The following PIK3C3 variants were observed in gnomAD, a reference collection of about 807,000 sequenced individuals.
PIK3C3 encodes phosphatidylinositol 3-kinase catalytic subunit type 3.
In PIK3C3, 95 loss-of-function variants were observed where a neutral mutation model predicts 126.1. That is an observed-to-expected ratio of 0.75 (90% CI 0.64 to 0.89). The LOEUF is 0.89. PIK3C3 is among the 40% of genes least tolerant of loss of function. PIK3C3 has a pLI of 0.00. For missense variants in PIK3C3, 829 were observed against 1,063.2 expected, an observed-to-expected ratio of 0.78 and a Z score of 3.06; for synonymous variants, 374 against 360.0, an observed-to-expected ratio of 1.04 and a Z score of -0.44.
At chr18:41,977,745 A>G (rs761953482) in intron 4 of PIK3C3, among the ~76,000 whole-genome samples, 131 of 152,282 alleles carry the variant, frequency 8.6e-4, no homozygotes, top group Non-Finnish European at 5.1e-4. Flanking sequence ...TCGGCCTCCC[A>G]AAGCATTGGA....
chr18:41,969,596 G>C (rs999705562), intron 3 of PIK3C3, among the ~76,000 whole-genome samples: 1 of 152,196 alleles, frequency 6.6e-6, no homozygotes, highest in Non-Finnish European at 1.5e-5. Context: ...AAATGTTTTT[G>C]TATGAATCTA....
At chr18:42,068,987 C>A (rs2144522998) in intron 24 of PIK3C3, among the ~76,000 whole-genome samples, 1 of 151,604 alleles carries the variant, frequency 6.6e-6, no homozygotes, top group South Asian at 2.1e-4. Context: ...TATTTAGATT[C>A]CGTTATAACT....
chr18:42,062,353 CTGTGGCCCCCAGGCCACA>C (rs1344691228), intron 22 of PIK3C3, among the ~76,000 whole-genome samples: 2 of 151,946 alleles, frequency 1.3e-5, no homozygotes, highest in African/African-American at 2.4e-5. Flanking sequence ...CTTATCTAAC[CTGTGGCCCCCAGGCCACA>C]TGTGGCCCAG....
intron 9 of PIK3C3, among the ~76,000 whole-genome samples, chr18:41,999,673 A>G (rs1982190967): frequency 6.6e-6 from 1 of 152,190 alleles, no homozygotes. Flanking sequence ...CACATAATTA[A>G]AATTAGGAAG....
rs1329048012 is a variant in PIK3C3 at position 42,083,033 on chromosome 18, G to A, written c.*1896G>A. ...ATTGTAAAGAGGATAAACCTTTCTA[G>A]GAAGGTTGATGCGTGTTGGGTGAGG... On this transcript the variant is annotated 3_prime_UTR_variant, in exon 25 of 25. Transcript: ENST00000262039. 6.6e-6 allele frequency: 1 copy of A among 152,188 alleles called. No individual in the cohort carries two copies. Among genetic ancestry groups the A allele is most frequent in the South Asian group, 2.1e-4 (1 of 4,832 alleles). The allele number at this position is 152,188 out of a possible 1,614,324, so 9.4% of individuals were successfully genotyped here.
At position 42,040,658 on chromosome 18, in the gene PIK3C3, T is replaced by C. The variant is rs1984270786; in HGVS notation, c.2039-19T>C. The C allele has an allele frequency of 6.4e-7, 1 of 1,571,536 alleles. No individual in the cohort carries two copies. Among genetic ancestry groups the C allele is most frequent in the Non-Finnish European group, 8.7e-7 (1 of 1,144,446 alleles). ...TAACCAGTAGCTATGCTTAATGCAG[T>C]GCATACATTTCTGTGTAGGCTTCAT... On this transcript the variant is annotated intron_variant, in intron 18 of 24. Coordinates refer to ENST00000262039, the MANE Select transcript of PIK3C3 (RefSeq NM_002647.4).
intron 22 of PIK3C3, among the ~76,000 whole-genome samples, chr18:42,060,182 G>A (rs576647526): frequency 6.6e-6 from 1 of 152,114 alleles, no homozygotes; most frequent in South Asian, 2.1e-4. Context: ...TAAGGTTATC[G>A]GCACTTTTAT....
At position 42,086,515 on chromosome 18, in the gene PIK3C3, G is replaced by C. The variant is rs1301132332; in HGVS notation, c.*5378G>C. ...GATTGGCTCAAGATAAGGTCACAAA[G>C]ACCTTGCTGATAAAACAGTCTGTGG... On this transcript the variant is annotated 3_prime_UTR_variant, in exon 25 of 25. Transcript: ENST00000262039. 1 of 152,174 alleles carries C rather than the reference G, an allele frequency of 6.6e-6. No individual in the cohort carries two copies. The highest frequency in any genetic ancestry group is 1.5e-5 in the Non-Finnish European group (1 of 68,036). 9.4% of individuals were successfully genotyped at this position (152,174 alleles called of 1,614,324 possible).
intron 22 of PIK3C3, among the ~76,000 whole-genome samples, chr18:42,060,683 A>G (rs531159132): frequency 2.6e-5 from 4 of 152,268 alleles, no homozygotes; most frequent in African/African-American, 9.6e-5. Context: ...AGGCTGAGGT[A>G]TGAGAATTGC....
chr18:41,982,199 C>G (rs185392678), intron 4 of PIK3C3, among the ~76,000 whole-genome samples: 1 of 152,102 alleles, frequency 6.6e-6, no homozygotes, highest in Non-Finnish European at 1.5e-5. Context: ...GGCCTTTAAC[C>G]TGAGGGAGTT....
chr18:41,975,125 C>T (rs1980851172), intron 4 of PIK3C3, among the ~76,000 whole-genome samples: 1 of 152,200 alleles, frequency 6.6e-6, no homozygotes, highest in South Asian at 2.1e-4. Context: ...GGTGGTGTTT[C>T]AGGCTGAACC....
chr18:42,066,500 G>A (rs572642003), intron 23 of PIK3C3, among the ~76,000 whole-genome samples: 6 of 152,272 alleles, frequency 3.9e-5, no homozygotes, highest in African/African-American at 1.4e-4. Flanking sequence ...GTGTGTGGTG[G>A]CGTAGGATTG....
At chr18:41,960,431 A>G (rs553684453) in intron 2 of PIK3C3, among the ~76,000 whole-genome samples, 14 of 152,354 alleles carry the variant, frequency 9.2e-5, no homozygotes, top group African/African-American at 3.1e-4. Flanking sequence ...CAAAAATTAC[A>G]AAGTTAGGAT....
intron 10 of PIK3C3, among the ~76,000 whole-genome samples, chr18:42,006,461 C>G (rs948755731): frequency 2.6e-5 from 4 of 152,076 alleles, no homozygotes; most frequent in Non-Finnish European, 5.9e-5. Context: ...TCTCTGTTCC[C>G]CAGAGGTTGA....
At chr18:42,045,071 T>C (rs1481025576) in intron 20 of PIK3C3, among the ~76,000 whole-genome samples, 1 of 152,194 alleles carries the variant, frequency 6.6e-6, no homozygotes, top group Non-Finnish European at 1.5e-5. Context: ...TGATGATACA[T>C]TTTTGTCTGA....
intron 20 of PIK3C3, among the ~76,000 whole-genome samples, chr18:42,045,644 T>G (rs1258932551): frequency 6.6e-6 from 1 of 152,202 alleles, no homozygotes; most frequent in African/African-American, 2.4e-5. Flanking sequence ...CAGCTTATAG[T>G]ATAACTATAT....
At chr18:42,054,795 C>G (rs1984987252) in intron 21 of PIK3C3, among the ~76,000 whole-genome samples, 1 of 152,062 alleles carries the variant, frequency 6.6e-6, no homozygotes, top group African/African-American at 2.4e-5. Context: ...AATAGAACCT[C>G]TCTCCTAGTG....
chr18:41,957,109 ATTTT>A (rs1269407116), intron 1 of PIK3C3, among the ~76,000 whole-genome samples: 4 of 152,210 alleles, frequency 2.6e-5, no homozygotes, highest in African/African-American at 9.6e-5. Context: ...ATGACTTAAT[ATTTT>A]ATTGTAATAC....
chr18:42,081,223 C>A lies in PIK3C3; in HGVS notation c.*86C>A. On this transcript the variant is annotated 3_prime_UTR_variant, in exon 25 of 25. Coordinates refer to ENST00000262039, the MANE Select transcript of PIK3C3 (RefSeq NM_002647.4). ...TTGTATATTGGAGACTTCAGAGTAA[C>A]CAGCAAGGAAGAGAAATCTTAATCT... is the stretch of plus-strand genomic sequence containing the variant. 1 of 792,086 alleles carries A rather than the reference C, an allele frequency of 1.3e-6. No individual in the cohort carries two copies. Among genetic ancestry groups the A allele is most frequent in the Non-Finnish European group, 2.1e-6 (1 of 484,684 alleles). The allele number at this position is 792,086 out of a possible 1,614,324, so 49.1% of individuals were successfully genotyped here.
Sources: gnomAD v4.1 joint callset for allele counts (sites outside exome capture counted in the v4.1 genomes callset) on GRCh38, gnomAD v4.1.1 for gene constraint, MANE v1.5 for transcripts, NCBI Gene and HGNC (gene_info 2026-07-23, HGNC 2026-07-21) for gene names.